The following CASS4 variants were observed in gnomAD, a reference collection of about 807,000 sequenced individuals.
CASS4 encodes cas scaffolding protein family member 4.
In CASS4, 22 loss-of-function variants were observed where a neutral mutation model predicts 54.2. The observed-to-expected ratio is 0.41, with a 90% CI of 0.29 to 0.58. The LOEUF is 0.58. CASS4 is among the 20% of genes least tolerant of loss of function. The pLI is 0.36. For synonymous variants in CASS4, 409 were observed against 391.5 expected (o/e 1.04, Z -0.53); for missense variants, 854 against 986.7 (o/e 0.87, Z 1.80).
Position 56,451,764 on chromosome 20 carries a change from T to C in CASS4, c.643-55T>C, listed in dbSNP as rs1214468267. On this transcript the variant is annotated intron_variant, in intron 4 of 5. Coordinates refer to ENST00000679887, the MANE Select transcript of CASS4 (RefSeq NM_020356.4). ...TGACGATGAGATTTAAACAACGCAC[T>C]CGCGCCCTCTTTGGAAAGCTACTAA... 3.7e-6 allele frequency: 5 copies of C among 1,345,008 alleles called. No individual in the cohort carries two copies. In the African/African-American group the frequency reaches 7.3e-5, roughly 20 times the overall value. The allele number at this position is 1,345,008 out of a possible 1,614,324, so 83.3% of individuals were successfully genotyped here.
chr20:56,450,541 ATGT>A, intron 3 of CASS4, 55 bp from the exon 4 acceptor site: 1 of 1,478,430 alleles, frequency 6.8e-7, no homozygotes, highest in Non-Finnish European at 9.4e-7. Flanking sequence ...AGTGTTCGTG[ATGT>A]GTAGCCATTA....
Position 56,414,597 on chromosome 20 carries a change from A to T in CASS4, c.36+2103A>T, listed in dbSNP as rs928132790. Among the ~76,000 whole-genome samples, 1 of 152,176 alleles carries T rather than the reference A, an allele frequency of 6.6e-6. No individual in the cohort carries two copies. The highest frequency in any genetic ancestry group is 2.1e-4 in the South Asian group (1 of 4,834). Reference sequence around the variant, plus strand: ...CCACTGCAATTTGTAAATAACATGCATGTTTGCATAGAACATATAATTGAT... The same window carrying T: ...CCACTGCAATTTGTAAATAACATGCTTGTTTGCATAGAACATATAATTGAT... On this transcript the variant is annotated intron_variant, in intron 1 of 5. Transcript: ENST00000679887. The surrounding 1 kb of genome is among the most constrained non-coding windows in gnomAD (Gnocchi z 4.1).
chr20:56,454,058 G>A (rs1555807090), intron 5 of CASS4, among the ~76,000 whole-genome samples: 1 of 152,070 alleles, frequency 6.6e-6, no homozygotes, highest in Non-Finnish European at 1.5e-5. Context: ...GTGTGCGCCT[G>A]TAATTCCAGC....
chr20:56,456,037 G>C (rs149538981), intron 5 of CASS4, among the ~76,000 whole-genome samples: 2 of 151,786 alleles, frequency 1.3e-5, no homozygotes, highest in East Asian at 3.9e-4. Context: ...TGCATTTCTA[G>C]CAAGTTTGCA....
chr20:56,417,008 A>C (rs1056851738), intron 1 of CASS4, among the ~76,000 whole-genome samples: 4 of 152,208 alleles, frequency 2.6e-5, no homozygotes, highest in Non-Finnish European at 5.9e-5. Context: ...GGACCCACTC[A>C]AGAAGGATCA....
At chr20:56,448,513 T>C (rs375670350) in intron 3 of CASS4, among the ~76,000 whole-genome samples, 1 of 151,982 alleles carries the variant, frequency 6.6e-6, no homozygotes, top group African/African-American at 2.4e-5. Flanking sequence ...ACTCAAGTCA[T>C]TGAATGGTCC....
chr20:56,446,027 T>G (rs748464737), intron 3 of CASS4, 26 bp downstream of exon 3: 1 of 1,493,870 alleles, frequency 6.7e-7, no homozygotes, highest in Non-Finnish European at 9.3e-7. Flanking sequence ...GGGCCCCTCA[T>G]CACCCAGACC....
chr20:56,417,106 C>A (rs963624464), intron 1 of CASS4, among the ~76,000 whole-genome samples: 16 of 152,178 alleles, frequency 1.1e-4, no homozygotes, highest in African/African-American at 3.9e-4. Context: ...GAAGTGTGTA[C>A]CACTTGCTGG....
Position 56,430,190 on chromosome 20 carries a change from C to T in CASS4, c.37-6974C>T, listed in dbSNP as rs554255276. Among the ~76,000 whole-genome samples, 2 of 152,322 alleles carry T rather than the reference C, an allele frequency of 1.3e-5. No homozygotes were observed. The highest frequency in any genetic ancestry group is 2.1e-4 in the South Asian group (1 of 4,830). Reference sequence around the variant, plus strand: ...CTCGGGTTTAGATGAGCACATTGCACCTGCCAGCTGTGGAAAGGTCTCTGC... The same window carrying T: ...CTCGGGTTTAGATGAGCACATTGCATCTGCCAGCTGTGGAAAGGTCTCTGC... On this transcript the variant is annotated intron_variant, in intron 1 of 5. Coordinates refer to ENST00000679887, the MANE Select transcript of CASS4 (RefSeq NM_020356.4). The surrounding 1 kb of genome is among the most constrained non-coding windows in gnomAD (Gnocchi z 4.2).
intron 1 of CASS4, among the ~76,000 whole-genome samples, chr20:56,436,769 C>T (rs1033402795): frequency 6.6e-6 from 1 of 152,044 alleles, no homozygotes; most frequent in African/African-American, 2.4e-5. Flanking sequence ...CATGTGTAGT[C>T]CCAGCTACTT....
At position 56,412,332 on chromosome 20, in the gene CASS4, GTCAGATAGC is replaced by G; in HGVS notation, c.-124_-116del. ...TCTTTTTGATCGTTTCCCATGTGTTGTCAGATAGCTCCATAGAATTCAGTTTCTGAGAAC... is the reference window on the plus strand; with the variant it reads ...TCTTTTTGATCGTTTCCCATGTGTTGTCCATAGAATTCAGTTTCTGAGAAC... On this transcript the variant is annotated 5_prime_UTR_variant, in exon 1 of 6. Transcript: ENST00000679887. The surrounding 1 kb of genome is among the most constrained non-coding windows in gnomAD (Gnocchi z 4.2). 1 of 1,007,804 alleles carries G rather than the reference GTCAGATAGC, an allele frequency of 9.9e-7. No homozygotes were observed. The highest frequency in any genetic ancestry group is 1.4e-5 in the South Asian group (1 of 70,214). 62.4% of individuals were successfully genotyped at this position (1,007,804 alleles called of 1,614,324 possible). A position where few individuals can be genotyped will look rare whatever the true frequency, so the allele number is the denominator to read the frequency against.
chr20:56,420,924 A>G (rs933214451), intron 1 of CASS4, among the ~76,000 whole-genome samples: 1 of 152,214 alleles, frequency 6.6e-6, no homozygotes, highest in African/African-American at 2.4e-5. Context: ...GTCCATTATT[A>G]ACAACTAAAC....
At chr20:56,413,742 T>C (rs1020749399) in intron 1 of CASS4, among the ~76,000 whole-genome samples, 11 of 149,626 alleles carry the variant, frequency 7.4e-5, no homozygotes, top group Non-Finnish European at 1.5e-4. Context: ...TGACAGTCTC[T>C]CTTGTATAGA....
At chr20:56,429,247 CTCT>C (rs752644712) in intron 1 of CASS4, among the ~76,000 whole-genome samples, 52 of 152,160 alleles carry the variant, frequency 3.4e-4, no homozygotes, top group Non-Finnish European at 3.8e-4. Flanking sequence ...CCAGTTCCCT[CTCT>C]TCTTCTTACT....
At chr20:56,423,820 C>T (rs1979518144) in intron 1 of CASS4, among the ~76,000 whole-genome samples, 1 of 152,206 alleles carries the variant, frequency 6.6e-6, no homozygotes, top group Non-Finnish European at 1.5e-5. Context: ...GTTGGGATTA[C>T]AGACATGAGC....
chr20:56,437,092 G>C lies in CASS4; in HGVS notation c.37-72G>C. On this transcript the variant is annotated intron_variant, in intron 1 of 5. Transcript: ENST00000679887. This position sits in a 1 kb window ranked among gnomAD's most constrained non-coding sequence, Gnocchi z 4.7. ...TGAATTTGTATGAAGCTTTCTAAGA[G>C]AGTGGGATTGGAGTAGCAGTCACTG... 7.8e-7 allele frequency: 1 copy of C among 1,287,418 alleles called. No individual in the cohort carries two copies. Among genetic ancestry groups the C allele is most frequent in the Non-Finnish European group, 1.1e-6 (1 of 930,352 alleles). 79.7% of individuals were successfully genotyped at this position (1,287,418 alleles called of 1,614,324 possible).
Position 56,414,368 on chromosome 20 carries a change from A to T in CASS4, c.36+1874A>T, listed in dbSNP as rs901208151. Among the ~76,000 whole-genome samples the T allele has an allele frequency of 6.6e-6, 1 of 152,088 alleles. No homozygotes were observed. The highest frequency in any genetic ancestry group is 2.4e-5 in the African/African-American group (1 of 41,408). ...AAACAGCCTAGATTTTTTATGATTT[A>T]GACTTCTTTTTATGTACTGCTTATT... On this transcript the variant is annotated intron_variant, in intron 1 of 5. Coordinates refer to ENST00000679887, the MANE Select transcript of CASS4 (RefSeq NM_020356.4). The surrounding 1 kb of genome is among the most constrained non-coding windows in gnomAD (Gnocchi z 4.1).
intron 2 of CASS4, among the ~76,000 whole-genome samples, chr20:56,442,297 A>T (rs1223250446): frequency 6.6e-6 from 1 of 151,770 alleles, no homozygotes; most frequent in Non-Finnish European, 1.5e-5. Flanking sequence ...ATATCTTTAG[A>T]TTAGAACAAC....
intron 1 of CASS4, among the ~76,000 whole-genome samples, chr20:56,424,408 T>C (rs1005051554): frequency 1.3e-5 from 2 of 152,168 alleles, no homozygotes; most frequent in East Asian, 1.9e-4. Flanking sequence ...AATATTGATA[T>C]GGAAAGCCAC....
Sources: allele counts gnomAD v4.1 joint callset (sites outside exome capture counted in the v4.1 genomes callset), GRCh38; gene constraint gnomAD v4.1.1; non-coding constraint Gnocchi (gnomAD v3.1); transcripts MANE v1.5; gene names NCBI Gene and HGNC (gene_info 2026-07-23, HGNC 2026-07-21).